The following PRKG1 variants were observed in gnomAD, a reference collection of about 807,000 sequenced individuals.
The protein encoded by PRKG1 is cGMP-dependent protein kinase 1.
In PRKG1, 35 loss-of-function variants were observed where a neutral mutation model predicts 88.1. That is an observed-to-expected ratio of 0.40 (90% CI 0.30 to 0.53). The LOEUF (loss-of-function observed/expected upper bound fraction) is 0.53, where lower values mean the gene tolerates loss of function less well. Among genes scored for constraint, PRKG1 ranks in the 20% least tolerant of loss-of-function variants. The pLI is 0.59. For synonymous variants in PRKG1, 303 were observed against 292.5 expected, an observed-to-expected ratio of 1.04 and a Z score of -0.37; for missense variants, 540 against 839.8, an observed-to-expected ratio of 0.64 and a Z score of 4.41.
At chr10:52,224,135 C>T (rs1166349224) in intron 9 of PRKG1, among the ~76,000 whole-genome samples, 1 of 152,092 alleles carries the variant, frequency 6.6e-6, no homozygotes, top group African/African-American at 2.4e-5. Context: ...CTACAAGGCC[C>T]CAGACAACTT....
intron 3 of PRKG1, among the ~76,000 whole-genome samples, chr10:51,588,942 G>A (rs7896528): frequency 6.6e-6 from 1 of 150,944 alleles, no homozygotes; most frequent in African/African-American, 2.5e-5. Context: ...ATATACAAAA[G>A]TTTTAGATAG....
intron 3 of PRKG1, among the ~76,000 whole-genome samples, chr10:51,639,894 A>G (rs999683068): frequency 6.6e-5 from 10 of 152,124 alleles, no homozygotes; most frequent in Non-Finnish European, 1.0e-4. Context: ...TTTTCTATTC[A>G]AGAGTATTGC....
intron 2 of PRKG1, among the ~76,000 whole-genome samples, chr10:51,357,689 A>T (rs1842395735): frequency 6.6e-6 from 1 of 151,918 alleles, no homozygotes; most frequent in East Asian, 1.9e-4. Context: ...TTCCCATTTC[A>T]TAGTCTTTCA....
chr10:52,233,783 C>G (rs921542810), intron 9 of PRKG1, among the ~76,000 whole-genome samples: 1 of 151,360 alleles, frequency 6.6e-6, no homozygotes, highest in African/African-American at 2.4e-5. Flanking sequence ...ACAAAGCAGC[C>G]GGGAAGCTCG....
intron 3 of PRKG1, among the ~76,000 whole-genome samples, chr10:51,692,177 T>C (rs977945554): frequency 3.9e-5 from 6 of 152,142 alleles, no homozygotes; most frequent in African/African-American, 1.4e-4. Flanking sequence ...ATATTTCCGA[T>C]ATGGAGTATG....
intron 2 of PRKG1, among the ~76,000 whole-genome samples, chr10:51,195,048 C>G (rs1225436706): frequency 6.6e-6 from 1 of 152,170 alleles, no homozygotes; most frequent in Non-Finnish European, 1.5e-5. Context: ...AAACCGTAGA[C>G]TTGTGCTAAA....
intron 3 of PRKG1, chr10:51,697,996 C>A: frequency 6.2e-7 from 1 of 1,612,364 alleles, no homozygotes; most frequent in Non-Finnish European, 8.5e-7. Flanking sequence ...CTGCTCCCTG[C>A]ATGCCTGTTC....
At chr10:51,866,289 T>C (rs1320851776) in intron 4 of PRKG1, among the ~76,000 whole-genome samples, 1 of 152,084 alleles carries the variant, frequency 6.6e-6, no homozygotes, top group Non-Finnish European at 1.5e-5. Context: ...ATTTAAATAA[T>C]CAAATCACAG....
At chr10:51,864,311 T>C (rs1048810486) in intron 4 of PRKG1, among the ~76,000 whole-genome samples, 1 of 152,244 alleles carries the variant, frequency 6.6e-6, no homozygotes, top group Non-Finnish European at 1.5e-5. Flanking sequence ...TCAGAGTAGC[T>C]GGAGCTCTGG....
In PRKG1 at chr10:51,124,722, C is replaced by T. The variant is rs944914580; in HGVS notation, c.312-28442C>T. Among the ~76,000 whole-genome samples the T allele has an allele frequency of 7.2e-5, 11 of 152,126 alleles. No homozygotes were observed. The East Asian group carries it at 2.1e-3, about 29-fold the overall frequency. On this transcript the variant is annotated intron_variant, in intron 1 of 17. Coordinates refer to ENST00000373980, the MANE Select transcript of PRKG1 (RefSeq NM_006258.4). ...AAGCATGGCTTTAGCCCTAATTGTT[C>T]TATAATCCTTTTGTTTGCTTACAAA...
intron 1 of PRKG1, among the ~76,000 whole-genome samples, chr10:51,033,190 A>T (rs1212044267): frequency 1.3e-5 from 2 of 152,134 alleles, no homozygotes; most frequent in African/African-American, 4.8e-5. Flanking sequence ...CTCATAGGAC[A>T]TCTTCATTTG....
intron 8 of PRKG1, among the ~76,000 whole-genome samples, chr10:52,161,509 G>A (rs1029091036): frequency 2.0e-5 from 3 of 152,042 alleles, no homozygotes; most frequent in South Asian, 2.1e-4. Context: ...CATATAGGAG[G>A]CACTCCATAA....
rs140416607 is a variant in PRKG1 at position 52,226,506 on chromosome 10, A to C, written c.1077-25064A>C. On this transcript the variant is annotated intron_variant, in intron 9 of 17. Coordinates refer to ENST00000373980, the MANE Select transcript of PRKG1 (RefSeq NM_006258.4). Reference sequence around the variant, plus strand: ...TGCAGAGCAAAGGTGATGTTTTACCAACTTTGAAAATGTACTTTGTTGTTT... The same window carrying C: ...TGCAGAGCAAAGGTGATGTTTTACCCACTTTGAAAATGTACTTTGTTGTTT... 3.4e-3 allele frequency among the ~76,000 whole-genome samples: 509 copies of C among 151,766 alleles called. 3 individuals are homozygous for C. The highest frequency in any genetic ancestry group is 0.011 in the African/African-American group (469 of 41,104).
chr10:51,867,411 G>A (rs938870143), intron 4 of PRKG1, among the ~76,000 whole-genome samples: 5 of 152,144 alleles, frequency 3.3e-5, no homozygotes, highest in African/African-American at 1.2e-4. Flanking sequence ...AAACAGTGTA[G>A]AGAAGAGATG....
intron 8 of PRKG1, among the ~76,000 whole-genome samples, chr10:52,155,929 A>G (rs1408460571): frequency 2.0e-5 from 3 of 152,098 alleles, no homozygotes; most frequent in African/African-American, 7.2e-5. Context: ...AAGTAAAAGG[A>G]GATAATTCCT....
intron 1 of PRKG1, among the ~76,000 whole-genome samples, chr10:51,057,868 A>G (rs1206515541): frequency 6.6e-6 from 1 of 152,118 alleles, no homozygotes; most frequent in Non-Finnish European, 1.5e-5. Context: ...TTTCTCTTGG[A>G]GATATCCTTA....
At chr10:51,425,766 T>C (rs1411551976) in intron 2 of PRKG1, among the ~76,000 whole-genome samples, 1 of 152,190 alleles carries the variant, frequency 6.6e-6, no homozygotes, top group Non-Finnish European at 1.5e-5. Flanking sequence ...TCACAGGACA[T>C]AGACAGGATA....
chr10:52,092,335 A>G (rs1201726880), intron 7 of PRKG1, among the ~76,000 whole-genome samples: 2 of 152,106 alleles, frequency 1.3e-5, no homozygotes, highest in African/African-American at 4.8e-5. Context: ...GCTTTTTGTT[A>G]TATTTGTAGT....
Position 52,295,519 on chromosome 10 carries a change from C to T in PRKG1, c.*1619C>T, listed in dbSNP as rs547446457. ...TTATTAGCTGTCATAAGTAACTCAGCCATTTGGAAGCATTTCCTGGACAAA... is the reference window on the plus strand; with the variant it reads ...TTATTAGCTGTCATAAGTAACTCAGTCATTTGGAAGCATTTCCTGGACAAA... On this transcript the variant is annotated 3_prime_UTR_variant, in exon 18 of 18. Coordinates refer to ENST00000373980, the MANE Select transcript of PRKG1 (RefSeq NM_006258.4). The T allele has an allele frequency of 2.0e-5, 3 of 152,080 alleles. No individual in the cohort carries two copies. Among genetic ancestry groups the T allele is most frequent in the African/African-American group, 7.2e-5 (3 of 41,548 alleles). The allele number at this position is 152,080 out of a possible 1,614,324, so 9.4% of individuals were successfully genotyped here. A position where few individuals can be genotyped will look rare whatever the true frequency, so the allele number is the denominator to read the frequency against.
Sources: gnomAD v4.1 joint callset for allele counts (sites outside exome capture counted in the v4.1 genomes callset) on GRCh38, gnomAD v4.1.1 for gene constraint, MANE v1.5 for transcripts, NCBI Gene and HGNC (gene_info 2026-07-23, HGNC 2026-07-21) for gene names.